RAB3IP: variants seen among roughly 807,000 people sequenced by gnomAD.
RAB3IP encodes the protein RAB3A interacting protein.
In RAB3IP, 36 loss-of-function variants were observed where a neutral mutation model predicts 59.1. The ratio of observed to expected loss-of-function variants is 0.61; its 90% CI spans 0.47 to 0.80. The LOEUF (loss-of-function observed/expected upper bound fraction) is 0.80, where lower values mean the gene tolerates loss of function less well. Ranked by LOEUF, RAB3IP falls within the 30% of genes least tolerant of loss-of-function variation. The probability of loss-of-function intolerance (pLI) is 0.00; values close to 1 mark genes in which losing one functional copy is unlikely to be tolerated. For missense variants in RAB3IP, 511 were observed against 536.0 expected, an observed-to-expected ratio of 0.95 and a Z score of 0.46; for synonymous variants, 207 against 191.2, an observed-to-expected ratio of 1.08 and a Z score of -0.68.
At chr12:69,805,621 T>C (rs1056468084) in intron 8 of RAB3IP, among the ~76,000 whole-genome samples, 11 of 151,420 alleles carry the variant, frequency 7.3e-5, no homozygotes, top group Admixed American at 2.6e-4. Flanking sequence ...CAGTATGATA[T>C]TGGCTGTGGG....
At chr12:69,764,771 C>A (rs1243046470) in intron 3 of RAB3IP, among the ~76,000 whole-genome samples, 6 of 152,022 alleles carry the variant, frequency 3.9e-5, no homozygotes, top group Non-Finnish European at 8.8e-5. Context: ...TTCTTCCAGT[C>A]CATGAGCATG....
At chr12:69,761,160 T>C (rs372449017) in intron 3 of RAB3IP, among the ~76,000 whole-genome samples, 12 of 152,350 alleles carry the variant, frequency 7.9e-5, no homozygotes, top group African/African-American at 2.9e-4. Context: ...TCACTACTCT[T>C]TTCTTCTGAA....
intron 4 of RAB3IP, 147 bp downstream of exon 4, chr12:69,784,962 G>A (rs761517216): frequency 7.2e-6 from 3 of 417,896 alleles, no homozygotes; most frequent in Admixed American, 4.2e-5. Flanking sequence ...TTTAAGCAAT[G>A]TAGAGTTTAC....
chr12:69,797,007 A>C (rs558681433), intron 6 of RAB3IP, among the ~76,000 whole-genome samples: 2 of 152,344 alleles, frequency 1.3e-5, no homozygotes, highest in Non-Finnish European at 1.5e-5. Context: ...ATGTTTCATG[A>C]AAAACTTGTC....
chr12:69,804,833 C>G (rs1231388854), intron 8 of RAB3IP, among the ~76,000 whole-genome samples: 2 of 152,068 alleles, frequency 1.3e-5, no homozygotes, highest in East Asian at 3.9e-4. Context: ...TCTGAGGGCT[C>G]TGTTCTGTTC....
At chr12:69,742,012 G>C (rs1222188246) in intron 1 of RAB3IP, among the ~76,000 whole-genome samples, 1 of 152,170 alleles carries the variant, frequency 6.6e-6, no homozygotes, top group Non-Finnish European at 1.5e-5. Context: ...AAAGGAAACT[G>C]TTCTTAAGGA....
intron 3 of RAB3IP, among the ~76,000 whole-genome samples, chr12:69,762,062 C>T (rs568718465): frequency 2.4e-4 from 37 of 152,272 alleles, no homozygotes; most frequent in African/African-American, 8.4e-4. Flanking sequence ...TTGGTGTGAA[C>T]CTTTCATGCC....
chr12:69,794,996 T>G, intron 5 of RAB3IP, 145 bp from the exon 6 acceptor site: 1 of 656,662 alleles, frequency 1.5e-6, no homozygotes, highest in Non-Finnish European at 2.6e-6. Flanking sequence ...AAAACTTGAT[T>G]TTAGTTTCTT....
chr12:69,802,857 C>G (rs1878608611), intron 8 of RAB3IP, among the ~76,000 whole-genome samples: 1 of 152,202 alleles, frequency 6.6e-6, no homozygotes, highest in Non-Finnish European at 1.5e-5. Context: ...TATGTTTGCT[C>G]TGTGAGCCAC....
chr12:69,764,037 C>T (rs1018511900), intron 3 of RAB3IP, among the ~76,000 whole-genome samples: 3 of 152,074 alleles, frequency 2.0e-5, no homozygotes, highest in Non-Finnish European at 2.9e-5. Flanking sequence ...GATTCCATGT[C>T]TTTGCTATTG....
At chr12:69,786,321 G>C (rs1875639163) in intron 4 of RAB3IP, among the ~76,000 whole-genome samples, 1 of 152,106 alleles carries the variant, frequency 6.6e-6, no homozygotes, top group Non-Finnish European at 1.5e-5. Flanking sequence ...GGCTTTCCAT[G>C]CCTTCTCTGC....
chr12:69,811,927 C>G (rs1417346332), intron 8 of RAB3IP: 3 of 152,128 alleles, frequency 2.0e-5, no homozygotes, highest in Non-Finnish European at 4.4e-5. Context: ...TTACTTAGAG[C>G]TATGCTAATT....
At chr12:69,792,728 T>C (rs531468409) in intron 4 of RAB3IP, among the ~76,000 whole-genome samples, 1 of 152,358 alleles carries the variant, frequency 6.6e-6, no homozygotes, top group South Asian at 2.1e-4. Flanking sequence ...ATGTATGTTA[T>C]ACCTTTTCAC....
intron 8 of RAB3IP, 189 bp from the exon 9 acceptor site, chr12:69,812,589 A>G (rs1880604254): frequency 5.4e-6 from 3 of 560,508 alleles, no homozygotes; most frequent in Non-Finnish European, 9.5e-6. Context: ...TACTACTAAT[A>G]GAATGTAAGT....
chr12:69,742,746 C>T (rs895584538), intron 1 of RAB3IP, among the ~76,000 whole-genome samples: 3 of 152,194 alleles, frequency 2.0e-5, no homozygotes, highest in African/African-American at 7.2e-5. Flanking sequence ...GATATTTATA[C>T]AACTGGGAGC....
intron 8 of RAB3IP, among the ~76,000 whole-genome samples, chr12:69,810,803 C>T (rs1227288841): frequency 6.6e-6 from 1 of 152,056 alleles, no homozygotes; most frequent in Non-Finnish European, 1.5e-5. Flanking sequence ...GGATTACGGT[C>T]TAGATTTAGA....
intron 1 of RAB3IP, among the ~76,000 whole-genome samples, chr12:69,742,913 T>C (rs1331477214): frequency 6.6e-6 from 1 of 152,208 alleles, no homozygotes; most frequent in Non-Finnish European, 1.5e-5. Flanking sequence ...CGAAATTAGA[T>C]AACTATAGCC....
At chr12:69,762,640 C>T (rs1449000716) in intron 3 of RAB3IP, among the ~76,000 whole-genome samples, 2 of 151,102 alleles carry the variant, frequency 1.3e-5, no homozygotes, top group East Asian at 3.9e-4. Flanking sequence ...GCCTGTAGTC[C>T]CAGCTGCTTG....
rs73332093 is a variant in RAB3IP, at chr12:69,795,576, A to G, written c.888+232A>G. On this transcript the variant is annotated intron_variant, in intron 6 of 10. Transcript: ENST00000247833. ...ACTTGGTAAGTTTCTTAATCTCAGT[A>G]TTTCATTAAGGGAGGAAACTGTCAT... The G allele has an allele frequency of 5.1e-4, 297 of 585,970 alleles. 1 individual carries two copies. Among genetic ancestry groups the G allele is most frequent in the African/African-American group, 4.7e-3 (254 of 53,842 alleles). The allele number at this position is 585,970 out of a possible 1,614,324, so 36.3% of individuals were successfully genotyped here.
Sources: gnomAD v4.1 joint callset for allele counts (sites outside exome capture counted in the v4.1 genomes callset) on GRCh38, gnomAD v4.1.1 for gene constraint, MANE v1.5 for transcripts, NCBI Gene and HGNC (gene_info 2026-07-23, HGNC 2026-07-21) for gene names.